Variants in DCLK1 observed in about 807,000 individuals in gnomAD.
DCLK1 encodes the protein doublecortin like kinase 1.
In DCLK1, 16 loss-of-function variants were observed where a neutral mutation model predicts 86.2. The observed-to-expected ratio is 0.19, with a 90% CI of 0.13 to 0.28. The LOEUF (loss-of-function observed/expected upper bound fraction) is 0.28. DCLK1 is among the 10% of genes least tolerant of loss of function. The probability of loss-of-function intolerance (pLI) is 1.00; values close to 1 mark genes in which losing one functional copy is unlikely to be tolerated. For missense variants in DCLK1, 590 were observed against 940.2 expected (o/e 0.63, Z 4.87); for synonymous variants, 369 against 370.5 (o/e 1.00, Z 0.05).
At chr13:35,949,283 T>C (rs1196963197) in intron 3 of DCLK1, among the ~76,000 whole-genome samples, 1 of 152,230 alleles carries the variant, frequency 6.6e-6, no homozygotes, top group African/African-American at 2.4e-5. Flanking sequence ...AAAGAAGAGA[T>C]AGAAAAATCC....
rs1555352807 is a variant in DCLK1, at chr13:35,958,131, A to ACTGTAATCATCACCACCATCACTG, written c.724-10675_724-10674insCAGTGATGGTGGTGATGATTACAG. On this transcript the variant is annotated intron_variant, in intron 3 of 16. Coordinates refer to ENST00000360631, the MANE Select transcript of DCLK1 (RefSeq NM_001330071.2). ...CACCATCACCACCACCACTACCACT[A>ACTGTAATCATCACCACCATCACTG]CTATAACCACCACCACCACCACTAT... is the stretch of plus-strand genomic sequence containing the variant. Among the ~76,000 whole-genome samples, 47 of 49,730 alleles carry ACTGTAATCATCACCACCATCACTG rather than the reference A, an allele frequency of 9.5e-4. 6 individuals carry two copies. The highest frequency in any genetic ancestry group is 2.6e-3 in the African/African-American group (45 of 17,464). The allele number at this position is 49,730 out of a possible 152,430, so 32.6% of individuals were successfully genotyped here.
At chr13:36,091,963 C>G (rs1484538314) in intron 3 of DCLK1, among the ~76,000 whole-genome samples, 1 of 152,266 alleles carries the variant, frequency 6.6e-6, no homozygotes, top group Middle Eastern at 3.4e-3. Flanking sequence ...GGGCAATGTT[C>G]TATGTTGTTT....
chr13:36,011,171 A>T (rs1881246032), intron 3 of DCLK1, among the ~76,000 whole-genome samples: 1 of 81,660 alleles, frequency 1.2e-5, no homozygotes, highest in Admixed American at 1.4e-4. Flanking sequence ...TCCTTTCAAA[A>T]AACCAGCTCC....
Position 35,805,733 on chromosome 13 carries a change from G to C in DCLK1, c.1910C>G (p.Ser637Cys), listed in dbSNP as rs998846373. 6.2e-7 allele frequency: 1 copy of C among 1,613,890 alleles called. No individual in the cohort carries two copies. The change falls in exon 15 of 17, where the codon TCT becomes TGT. Residue 637 changes from serine to cysteine, a missense_variant. Physicochemically the swap from Ser to Cys is moderately radical, Grantham distance 112 (BLOSUM62 -1). Around this residue, in one of 6 missense-constraint regions of DCLK1, gnomAD observed 146 missense variants for 190.2 expected, o/e 0.77. Coordinates refer to ENST00000360631, the MANE Select transcript of DCLK1 (RefSeq NM_001330071.2). ...GGGATGCTCAAGTACTTGAACAGCA[G>C]AAAATCGCTGATCTACATCGACCAA... Reference protein sequence around the residue: ...MLLVDVDQRFSAVQVLEHPWV... With the variant: ...MLLVDVDQRFCAVQVLEHPWV...
chr13:36,061,552 T>C (rs1329302692), intron 3 of DCLK1, among the ~76,000 whole-genome samples: 1 of 152,202 alleles, frequency 6.6e-6, no homozygotes, highest in Non-Finnish European at 1.5e-5. Flanking sequence ...TTACTTTCTC[T>C]CCTTCTACCC....
chr13:35,996,779 G>C (rs1431741711), intron 3 of DCLK1, among the ~76,000 whole-genome samples: 2 of 151,940 alleles, frequency 1.3e-5, no homozygotes, highest in African/African-American at 4.8e-5. Flanking sequence ...TTATCTGAAG[G>C]GTATTATCCA....
intron 3 of DCLK1, among the ~76,000 whole-genome samples, chr13:35,973,232 G>A (rs1480309529): frequency 3.3e-5 from 5 of 152,274 alleles, no homozygotes; most frequent in South Asian, 4.1e-4. Context: ...TCAATGGCGA[G>A]GCACATGCAG....
At chr13:35,992,875 C>T (rs372104810) in intron 3 of DCLK1, among the ~76,000 whole-genome samples, 5 of 152,166 alleles carry the variant, frequency 3.3e-5, no homozygotes, top group African/African-American at 9.7e-5. Context: ...AATTCTACCA[C>T]CTTTATGAAC....
intron 3 of DCLK1, among the ~76,000 whole-genome samples, chr13:36,064,640 A>G (rs1307605137): frequency 6.7e-6 from 1 of 149,388 alleles, no homozygotes; most frequent in Non-Finnish European, 1.5e-5. Flanking sequence ...GCCTGGCGAC[A>G]GAGTGAGACT....
chr13:35,814,261 G>A (rs569967753), intron 11 of DCLK1, among the ~76,000 whole-genome samples: 9 of 152,250 alleles, frequency 5.9e-5, no homozygotes, highest in Admixed American at 2.6e-4. Flanking sequence ...AAGCCTGCAC[G>A]CGCGCACACA....
At chr13:35,867,881 G>A (rs1405953789) in intron 5 of DCLK1, among the ~76,000 whole-genome samples, 16 of 91,912 alleles carry the variant, frequency 1.7e-4, no homozygotes, top group South Asian at 3.4e-4. Flanking sequence ...GAGAGAGGGA[G>A]AGAGAGAGAG....
At chr13:35,805,833 A>T in intron 14 of DCLK1, 54 bp from the exon 15 acceptor site, 1 of 1,488,646 alleles carries the variant, frequency 6.7e-7, no homozygotes, top group South Asian at 1.2e-5. Flanking sequence ...GAAAAGCTGT[A>T]TGTGTGCAAA....
At chr13:35,847,190 T>C in intron 6 of DCLK1, 1 of 975,776 alleles carries the variant, frequency 1.0e-6, no homozygotes, top group Non-Finnish European at 1.2e-6. Flanking sequence ...ATATTGGATT[T>C]AGCTGAATTT....
intron 4 of DCLK1, among the ~76,000 whole-genome samples, chr13:35,876,201 T>G (rs1311681189): frequency 6.6e-6 from 1 of 152,206 alleles, no homozygotes; most frequent in East Asian, 1.9e-4. Flanking sequence ...GGAGTTATAA[T>G]GAAGTAATAG....
In DCLK1 at chr13:35,772,744, A is replaced by G. The variant is rs1001743164; in HGVS notation, c.*1791T>C. Reference sequence around the variant, plus strand: ...ACACAGACCACAGAGATGAACCTAAATGTAAAAGAGCAAAAAATTTTGGTG... The same window carrying G: ...ACACAGACCACAGAGATGAACCTAAGTGTAAAAGAGCAAAAAATTTTGGTG... On this transcript the variant is annotated 3_prime_UTR_variant, in exon 17 of 17. Transcript: ENST00000360631. The G allele has an allele frequency of 6.6e-6, 1 of 152,174 alleles. No individual in the cohort carries two copies. The highest frequency in any genetic ancestry group is 2.4e-5 in the African/African-American group (1 of 41,442). 9.4% of individuals were successfully genotyped at this position (152,174 alleles called of 1,614,324 possible). A position where few individuals can be genotyped will look rare whatever the true frequency, so the allele number is the denominator to read the frequency against.
intron 3 of DCLK1, among the ~76,000 whole-genome samples, chr13:35,967,630 T>A (rs1254738007): frequency 1.3e-5 from 2 of 152,144 alleles, no homozygotes; most frequent in African/African-American, 4.8e-5. Context: ...GAAGGCAGCA[T>A]ACTCGTTAAG....
intron 11 of DCLK1, among the ~76,000 whole-genome samples, chr13:35,813,570 C>A (rs2087197380): frequency 6.6e-6 from 1 of 151,824 alleles, no homozygotes; most frequent in African/African-American, 2.4e-5. Context: ...AAAAATCTTC[C>A]TTAAAATAAA....
At chr13:36,076,202 G>A (rs1593868617) in intron 3 of DCLK1, among the ~76,000 whole-genome samples, 1 of 152,116 alleles carries the variant, frequency 6.6e-6, no homozygotes, top group East Asian at 1.9e-4. Flanking sequence ...AAATGTATGA[G>A]GAGAAATACC....
At chr13:35,893,846 G>A (rs1873789676) in intron 4 of DCLK1, among the ~76,000 whole-genome samples, 1 of 152,146 alleles carries the variant, frequency 6.6e-6, no homozygotes, top group Non-Finnish European at 1.5e-5. Flanking sequence ...ATAAGTGCAG[G>A]AAAATGATTG....
Sources: gnomAD v4.1 joint callset for allele counts (sites outside exome capture counted in the v4.1 genomes callset) on GRCh38, gnomAD v4.1.1 for gene constraint, gnomAD v4.1.1 regional missense constraint, MANE v1.5 for transcripts, NCBI Gene and HGNC (gene_info 2026-07-23, HGNC 2026-07-21) for gene names.